The following SCCPDH variants were observed in gnomAD, a reference collection of about 807,000 sequenced individuals.
The protein encoded by SCCPDH is saccharopine dehydrogenase-like oxidoreductase.
A neutral mutation model predicts 51.5 loss-of-function variants in SCCPDH; 34 were observed. That is an observed-to-expected ratio of 0.66 (90% CI 0.50 to 0.88). The LOEUF is 0.88. SCCPDH is among the 40% of genes least tolerant of loss of function. SCCPDH has a pLI of 0.00. For synonymous variants in SCCPDH, 187 were observed against 191.3 expected (o/e 0.98, Z 0.19); for missense variants, 464 against 527.1 (o/e 0.88, Z 1.17).
At chr1:246,766,914 G>A (rs1669093201) in intron 11 of SCCPDH, among the ~76,000 whole-genome samples, 2 of 152,036 alleles carry the variant, frequency 1.3e-5, no homozygotes, top group Admixed American at 6.6e-5. Flanking sequence ...GCGGTTCTTC[G>A]GGGTGATGGC....
intron 4 of SCCPDH, among the ~76,000 whole-genome samples, chr1:246,743,212 AC>A (rs1402936679): frequency 6.6e-6 from 1 of 151,866 alleles, no homozygotes; most frequent in Non-Finnish European, 1.5e-5. Flanking sequence ...CAGTCCTCTT[AC>A]CCCAGCTTCC....
intron 2 of SCCPDH, 37 bp downstream of exon 2, chr1:246,727,041 A>AC: frequency 7.1e-7 from 1 of 1,410,058 alleles, no homozygotes; most frequent in African/African-American, 1.4e-5. Context: ...AGAACAAACA[A>AC]TCCATTCATT....
At chr1:246,766,810 G>A (rs560784152) in intron 11 of SCCPDH, among the ~76,000 whole-genome samples, 32 of 152,164 alleles carry the variant, frequency 2.1e-4, no homozygotes, top group African/African-American at 7.5e-4. Flanking sequence ...TTTAAGTTCT[G>A]TTTACACTTT....
intron 3 of SCCPDH, among the ~76,000 whole-genome samples, chr1:246,737,626 C>G (rs1668615719): frequency 6.6e-6 from 1 of 151,928 alleles, no homozygotes; most frequent in Admixed American, 6.6e-5. Flanking sequence ...GGGTCTCTCT[C>G]TCTCACCCAG....
chr1:246,731,823 C>T (rs1212398630), intron 2 of SCCPDH, among the ~76,000 whole-genome samples: 2 of 152,190 alleles, frequency 1.3e-5, no homozygotes, highest in East Asian at 3.8e-4. Flanking sequence ...ATCAACCCGT[C>T]ATTTACATTA....
chr1:246,726,396 A>G (rs1404017982), intron 1 of SCCPDH, among the ~76,000 whole-genome samples: 3 of 149,640 alleles, frequency 2.0e-5, no homozygotes, highest in Non-Finnish European at 4.4e-5. Context: ...CCACCATGTC[A>G]GATAATTTTT....
chr1:246,747,524 A>G (rs552691240), intron 5 of SCCPDH, among the ~76,000 whole-genome samples: 2 of 152,360 alleles, frequency 1.3e-5, no homozygotes, highest in African/African-American at 4.8e-5. Flanking sequence ...TCAGTGCCGC[A>G]AAAGAAATAG....
At chr1:246,752,560 T>A (rs1668865145) in intron 5 of SCCPDH, among the ~76,000 whole-genome samples, 1 of 152,214 alleles carries the variant, frequency 6.6e-6, no homozygotes, top group Non-Finnish European at 1.5e-5. Flanking sequence ...AAATTTACCC[T>A]CACTTTTAAA....
rs1386012977 is a variant in SCCPDH, at chr1:246,767,112, G to C, written c.1185-83G>C. 3 of 902,420 alleles carry C rather than the reference G, an allele frequency of 3.3e-6. No individual in the cohort carries two copies. The South Asian group carries it at 6.3e-5, about 19-fold the overall frequency. The allele number at this position is 902,420 out of a possible 1,614,324, so 55.9% of individuals were successfully genotyped here. The stretch of plus-strand genomic sequence containing the variant: ...GAAGACTTGGGTTTTCAGGGGTTCT[G>C]TAGCAATTTGATAGTGAGGCCTGTG... On this transcript the variant is annotated intron_variant, in intron 11 of 11. Coordinates refer to ENST00000366510, the MANE Select transcript of SCCPDH (RefSeq NM_016002.3).
chr1:246,738,152 C>A (rs886380265), intron 3 of SCCPDH, among the ~76,000 whole-genome samples: 1 of 151,586 alleles, frequency 6.6e-6, no homozygotes, highest in African/African-American at 2.4e-5. Flanking sequence ...GCCAAGATTG[C>A]GCCACTGCAC....
At chr1:246,765,985 A>G (rs1669082069) in intron 10 of SCCPDH, 73 bp from the exon 11 acceptor site, 4 of 980,906 alleles carry the variant, frequency 4.1e-6, no homozygotes, top group East Asian at 2.4e-5. Context: ...AAAATCTACC[A>G]TTTGATTTTT....
intron 2 of SCCPDH, among the ~76,000 whole-genome samples, chr1:246,733,289 G>C (rs1668518856): frequency 6.6e-6 from 1 of 151,958 alleles, no homozygotes; most frequent in Non-Finnish European, 1.5e-5. Context: ...GTTTTGCCCT[G>C]TTGCCCAGGC....
chr1:246,726,833 A>T, intron 1 of SCCPDH, 59 bp from the exon 2 acceptor site: 1 of 1,180,234 alleles, frequency 8.5e-7, no homozygotes. Context: ...TAAAAAGAAG[A>T]TAAGGAAGAT....
chr1:246,725,319 C>T (rs1339225266), intron 1 of SCCPDH, among the ~76,000 whole-genome samples: 2 of 151,186 alleles, frequency 1.3e-5, no homozygotes, highest in East Asian at 1.9e-4. Context: ...ATTCTCTAAG[C>T]ATTGAAGGAG....
At chr1:246,740,875 G>C (rs1227381428) in intron 4 of SCCPDH, among the ~76,000 whole-genome samples, 1 of 152,110 alleles carries the variant, frequency 6.6e-6, no homozygotes, top group African/African-American at 2.4e-5. Context: ...GAGGCCAAGA[G>C]TTCAGGACCA....
At chr1:246,744,793 T>C (rs1297154482) in intron 5 of SCCPDH, among the ~76,000 whole-genome samples, 1 of 151,818 alleles carries the variant, frequency 6.6e-6, no homozygotes, top group Non-Finnish European at 1.5e-5. Context: ...TTTTGTTTTT[T>C]TTTTTCTTTT....
chr1:246,763,045 G>T (rs1028587394), intron 9 of SCCPDH, among the ~76,000 whole-genome samples: 2 of 151,984 alleles, frequency 1.3e-5, no homozygotes, highest in Non-Finnish European at 2.9e-5. Context: ...CTGGGCACTG[G>T]GGCTCTCTAA....
chr1:246,726,360 C>T (rs1426590441), intron 1 of SCCPDH, among the ~76,000 whole-genome samples: 2 of 152,146 alleles, frequency 1.3e-5, no homozygotes, highest in Non-Finnish European at 2.9e-5. Flanking sequence ...CCTCAGCCTC[C>T]TGAGTAGCTG....
intron 2 of SCCPDH, among the ~76,000 whole-genome samples, chr1:246,734,051 G>A (rs961078305): frequency 6.6e-6 from 1 of 152,214 alleles, no homozygotes; most frequent in African/African-American, 2.4e-5. Context: ...AGAATCACCT[G>A]TGAGGCTTAT....
Sources: gnomAD v4.1 joint callset for allele counts (sites outside exome capture counted in the v4.1 genomes callset) on GRCh38, gnomAD v4.1.1 for gene constraint, MANE v1.5 for transcripts, NCBI Gene and HGNC (gene_info 2026-07-23, HGNC 2026-07-21) for gene names.